The following ERC1 variants were observed in gnomAD, a reference collection of about 807,000 sequenced individuals.
ERC1 encodes the protein RAB6 interacting protein 2.
ERC1 carries 56 observed loss-of-function variants against 132.0 expected under a neutral mutation model. The observed-to-expected ratio is 0.42, with a 90% CI of 0.34 to 0.53. The LOEUF (loss-of-function observed/expected upper bound fraction) is 0.53. ERC1 is among the 20% of genes least tolerant of loss of function. The probability of loss-of-function intolerance (pLI) is 0.03; values close to 1 mark genes in which losing one functional copy is unlikely to be tolerated. For synonymous variants in ERC1, 478 were observed against 476.1 expected (o/e 1.00, Z -0.05); for missense variants, 1,202 against 1,349.9 (o/e 0.89, Z 1.72).
chr12:1,449,059 C>G, intron 18 of ERC1, among the ~76,000 whole-genome samples: 1 of 152,224 alleles, frequency 6.6e-6, no homozygotes. Context: ...GGTTTAATGA[C>G]TGCCCTATTG....
intron 16 of ERC1, among the ~76,000 whole-genome samples, chr12:1,403,599 T>TA (rs544863970): frequency 6.6e-6 from 1 of 152,190 alleles, no homozygotes; most frequent in Non-Finnish European, 1.5e-5. Flanking sequence ...AGTAAGTTCT[T>TA]ACAACTGTTT....
chr12:1,487,538 C>T (rs867263829), intron 18 of ERC1, among the ~76,000 whole-genome samples: 1 of 42,768 alleles, frequency 2.3e-5, no homozygotes, highest in Non-Finnish European at 8.7e-5. Context: ...GACCGCACCT[C>T]TAAAAAAGAA....
intron 1 of ERC1, among the ~76,000 whole-genome samples, chr12:1,000,418 G>A (rs960138844): frequency 1.3e-5 from 2 of 151,522 alleles, no homozygotes; most frequent in Admixed American, 6.6e-5. Context: ...CCCTGGAGGC[G>A]GAGGTTGCAG....
intron 1 of ERC1, among the ~76,000 whole-genome samples, chr12:1,009,137 ATAATAGTAGATGAATATGC>A (rs773788209): frequency 2.3e-3 from 351 of 152,212 alleles, no homozygotes; most frequent in Non-Finnish European, 3.9e-3. Flanking sequence ...TGGTGAGAGT[ATAATAGTAGATGAATATGC>A]AGTATCTTGT....
intron 15 of ERC1, among the ~76,000 whole-genome samples, chr12:1,316,109 G>A (rs747506754): frequency 6.6e-6 from 1 of 152,114 alleles, no homozygotes; most frequent in Non-Finnish European, 1.5e-5. Flanking sequence ...AGATGGTCTT[G>A]ATCTCCTGAC....
chr12:1,124,753 A>G (rs1369364303), intron 7 of ERC1, among the ~76,000 whole-genome samples: 2 of 152,166 alleles, frequency 1.3e-5, no homozygotes, highest in African/African-American at 2.4e-5. Context: ...AGAAGTAACT[A>G]CTAGTACTAC....
chr12:1,203,625 T>C (rs1957108700), intron 12 of ERC1, among the ~76,000 whole-genome samples: 1 of 152,240 alleles, frequency 6.6e-6, no homozygotes, highest in South Asian at 2.1e-4. Context: ...ATTCTTAAGG[T>C]ACAATTTAGA....
chr12:1,363,614 G>A (rs1322105392), intron 15 of ERC1, among the ~76,000 whole-genome samples: 2 of 143,268 alleles, frequency 1.4e-5, no homozygotes, highest in East Asian at 4.1e-4. Flanking sequence ...ATGCAATGTG[G>A]TGCCATCACG....
At chr12:1,411,606 G>A (rs2091855004) in intron 17 of ERC1, among the ~76,000 whole-genome samples, 1 of 152,172 alleles carries the variant, frequency 6.6e-6, no homozygotes, top group Non-Finnish European at 1.5e-5. Context: ...AGCTAAAGCT[G>A]AGAGCAGTCA....
intron 18 of ERC1, among the ~76,000 whole-genome samples, chr12:1,449,603 G>A (rs1461051016): frequency 6.6e-6 from 1 of 152,104 alleles, no homozygotes; most frequent in Non-Finnish European, 1.5e-5. Context: ...GCAGAAGTGT[G>A]AGTCAATTAA....
At chr12:1,084,164 C>A (rs1942634423) in intron 3 of ERC1, among the ~76,000 whole-genome samples, 2 of 152,110 alleles carry the variant, frequency 1.3e-5, no homozygotes, top group South Asian at 4.1e-4. Flanking sequence ...ACCTAGGTGA[C>A]TACTGATAAT....
intron 15 of ERC1, among the ~76,000 whole-genome samples, chr12:1,352,679 C>G (rs2154367138): frequency 6.6e-6 from 1 of 150,836 alleles, no homozygotes; most frequent in South Asian, 2.1e-4. Flanking sequence ...GCAGTTTTCT[C>G]TACTACACTT....
At chr12:1,233,511 A>G (rs1431483484) in intron 12 of ERC1, among the ~76,000 whole-genome samples, 2 of 151,104 alleles carry the variant, frequency 1.3e-5, no homozygotes, top group Admixed American at 1.3e-4. Context: ...AAAACCAGAC[A>G]TTATATTATA....
At chr12:1,098,413 A>G (rs915426717) in intron 3 of ERC1, among the ~76,000 whole-genome samples, 3 of 152,208 alleles carry the variant, frequency 2.0e-5, no homozygotes, top group Admixed American at 6.5e-5. Flanking sequence ...GAAGAAAGCT[A>G]ACTAGAGGCT....
intron 12 of ERC1, 42 bp from the exon 13 acceptor site, chr12:1,236,727 A>G: frequency 1.1e-5 from 17 of 1,589,948 alleles, no homozygotes; most frequent in Non-Finnish European, 1.5e-5. Context: ...TTGTTTCTAT[A>G]CATACATATG....
intron 1 of ERC1, among the ~76,000 whole-genome samples, chr12:1,022,048 A>T (rs558532725): frequency 6.6e-6 from 1 of 152,130 alleles, no homozygotes; most frequent in South Asian, 2.1e-4. Context: ...TATACATTTT[A>T]TTTTCTGTTC....
At chr12:1,428,985 G>A (rs1192813105) in intron 17 of ERC1, among the ~76,000 whole-genome samples, 7 of 152,176 alleles carry the variant, frequency 4.6e-5, no homozygotes, top group Admixed American at 4.6e-4. Context: ...ATTATGCTAG[G>A]AGATCAAAGC....
chr12:1,030,921 G>A (rs1967907357), intron 2 of ERC1, among the ~76,000 whole-genome samples: 1 of 152,166 alleles, frequency 6.6e-6, no homozygotes, highest in Non-Finnish European at 1.5e-5. Flanking sequence ...GCCGTACCAG[G>A]TGGATTTGTA....
At chr12:1,212,154 A>G (rs1042179118) in intron 12 of ERC1, among the ~76,000 whole-genome samples, 17 of 152,146 alleles carry the variant, frequency 1.1e-4, no homozygotes, top group Non-Finnish European at 2.2e-4. Context: ...TGGGTAAGCT[A>G]CGCATTCCTT....
Sources: gnomAD v4.1 joint callset for allele counts (sites outside exome capture counted in the v4.1 genomes callset) on GRCh38, gnomAD v4.1.1 for gene constraint, MANE v1.5 for transcripts, NCBI Gene and HGNC (gene_info 2026-07-23, HGNC 2026-07-21) for gene names.